NUBPL: variants seen among roughly 807,000 people sequenced by gnomAD.
NUBPL encodes iron-sulfur cluster transfer protein NUBPL.
Under a neutral mutation model 45.7 loss-of-function variants are expected in NUBPL, and 31 were observed. That is an observed-to-expected ratio of 0.68 (90% CI 0.51 to 0.92). NUBPL has a LOEUF of 0.92. Among genes scored for constraint, NUBPL ranks in the 40% least tolerant of loss-of-function variants. The probability of loss-of-function intolerance (pLI) is 0.00; values close to 1 mark genes in which losing one functional copy is unlikely to be tolerated. For synonymous variants in NUBPL, 144 were observed against 140.9 expected (o/e 1.02, Z -0.15); for missense variants, 401 against 398.7 (o/e 1.01, Z -0.05).
At chr14:31,846,321 C>A in intron 8 of NUBPL, 150 bp from the exon 9 acceptor site, 1 of 678,564 alleles carries the variant, frequency 1.5e-6, no homozygotes, top group Non-Finnish European at 2.6e-6. Flanking sequence ...CTCATGAGTT[C>A]CTTCAGAGCA....
intron 7 of NUBPL, among the ~76,000 whole-genome samples, chr14:31,810,276 G>T (rs1053436845): frequency 2.0e-5 from 3 of 151,950 alleles, no homozygotes; most frequent in African/African-American, 7.2e-5. Flanking sequence ...GTCTCTTGGG[G>T]CTTGCTTTAT....
chr14:31,740,109 A>C (rs1483844447), intron 6 of NUBPL, among the ~76,000 whole-genome samples: 1 of 152,254 alleles, frequency 6.6e-6, no homozygotes, highest in East Asian at 1.9e-4. Context: ...TAAAGTTGCC[A>C]TAAACATTTG....
At chr14:31,641,571 C>T (rs756967145) in intron 4 of NUBPL, among the ~76,000 whole-genome samples, 5 of 152,028 alleles carry the variant, frequency 3.3e-5, no homozygotes, top group Non-Finnish European at 7.4e-5. Context: ...TTTGTTTATC[C>T]ATATGCCTAT....
Position 31,604,685 on chromosome 14 carries a change from A to G in NUBPL, c.382+5306A>G, listed in dbSNP as rs547270518. Among the ~76,000 whole-genome samples, 7 of 152,256 alleles carry G rather than the reference A, an allele frequency of 4.6e-5. No homozygotes were observed. The East Asian group carries it at 1.2e-3, about 25-fold the overall frequency. Reference sequence around the variant, plus strand: ...GTTGGCAGATCATACGTTTATCCACATTCTCTTCATACCTTTTTTTGGGAG... The same window carrying G: ...GTTGGCAGATCATACGTTTATCCACGTTCTCTTCATACCTTTTTTTGGGAG... On this transcript the variant is annotated intron_variant, in intron 4 of 10. Coordinates refer to ENST00000281081, the MANE Select transcript of NUBPL (RefSeq NM_025152.3).
At chr14:31,765,568 G>C (rs1487822983) in intron 6 of NUBPL, among the ~76,000 whole-genome samples, 1 of 151,816 alleles carries the variant, frequency 6.6e-6, no homozygotes, top group Admixed American at 6.6e-5. Flanking sequence ...CGAATTTACA[G>C]ATTCAAATCT....
At chr14:31,618,697 A>G (rs1566451615) in intron 4 of NUBPL, among the ~76,000 whole-genome samples, 1 of 152,180 alleles carries the variant, frequency 6.6e-6, no homozygotes, top group Non-Finnish European at 1.5e-5. Context: ...ACTTCAAATT[A>G]TGTGATCAAT....
chr14:31,681,898 A>G (rs1181584500), intron 6 of NUBPL, among the ~76,000 whole-genome samples: 1 of 152,140 alleles, frequency 6.6e-6, no homozygotes, highest in Non-Finnish European at 1.5e-5. Flanking sequence ...ACACTCTGTA[A>G]TATTTCAGTG....
chr14:31,703,099 C>T (rs1202083451), intron 6 of NUBPL: 2 of 152,098 alleles, frequency 1.3e-5, no homozygotes, highest in Non-Finnish European at 2.9e-5. Context: ...TACTTATATT[C>T]TTATATTCTT....
chr14:31,615,686 C>T (rs2034880356), intron 4 of NUBPL, among the ~76,000 whole-genome samples: 1 of 152,160 alleles, frequency 6.6e-6, no homozygotes, highest in South Asian at 2.1e-4. Flanking sequence ...TTTCTTTATC[C>T]AGTCCATCAT....
At chr14:31,570,722 T>C (rs1472567270) in intron 3 of NUBPL, among the ~76,000 whole-genome samples, 1 of 152,228 alleles carries the variant, frequency 6.6e-6, no homozygotes, top group Non-Finnish European at 1.5e-5. Context: ...GTGCTACTTT[T>C]GGGTCATTCA....
chr14:31,752,944 A>G (rs2038565184), intron 6 of NUBPL, among the ~76,000 whole-genome samples: 1 of 152,222 alleles, frequency 6.6e-6, no homozygotes, highest in Admixed American at 6.5e-5. Context: ...AGAAGGGGGA[A>G]GTGCCACTTT....
intron 6 of NUBPL, among the ~76,000 whole-genome samples, chr14:31,748,854 C>T (rs1295672111): frequency 6.6e-6 from 1 of 152,112 alleles, no homozygotes; most frequent in Non-Finnish European, 1.5e-5. Flanking sequence ...CTCAGGTGAT[C>T]TACCCACCTG....
intron 3 of NUBPL, among the ~76,000 whole-genome samples, chr14:31,565,646 C>G (rs1346725109): frequency 1.3e-5 from 2 of 151,990 alleles, no homozygotes; most frequent in Non-Finnish European, 2.9e-5. Flanking sequence ...TTAACCAGTT[C>G]CCATTTGATG....
intron 6 of NUBPL, among the ~76,000 whole-genome samples, chr14:31,679,529 C>T (rs192784580): frequency 3.5e-4 from 53 of 152,186 alleles, no homozygotes; most frequent in African/African-American, 1.2e-3. Context: ...ACTTCCCTTT[C>T]CCTGAATTTA....
intron 4 of NUBPL, among the ~76,000 whole-genome samples, chr14:31,606,811 C>A (rs2034613021): frequency 6.6e-6 from 1 of 152,142 alleles, no homozygotes; most frequent in Non-Finnish European, 1.5e-5. Context: ...TTCTTGCTTA[C>A]CTCTTCACTG....
intron 6 of NUBPL, among the ~76,000 whole-genome samples, chr14:31,680,928 T>A (rs1287445617): frequency 3.3e-5 from 5 of 152,124 alleles, no homozygotes; most frequent in Non-Finnish European, 5.9e-5. Flanking sequence ...CAACTGTACT[T>A]TTACTGCATT....
At chr14:31,575,321 A>G (rs2033690630) in intron 3 of NUBPL, among the ~76,000 whole-genome samples, 1 of 152,242 alleles carries the variant, frequency 6.6e-6, no homozygotes, top group African/African-American at 2.4e-5. Context: ...TTCATTAATA[A>G]ATATGTATAT....
At chr14:31,720,087 A>G (rs915012981) in intron 6 of NUBPL, among the ~76,000 whole-genome samples, 2 of 152,152 alleles carry the variant, frequency 1.3e-5, no homozygotes, top group African/African-American at 4.8e-5. Context: ...AAGTGCCTAG[A>G]TTATATGATT....
At chr14:31,673,597 C>T (rs2036626788) in intron 6 of NUBPL, 23 bp downstream of exon 6, 2 of 1,575,258 alleles carry the variant, frequency 1.3e-6, no homozygotes, top group East Asian at 2.2e-5. Flanking sequence ...CTTTAAATAT[C>T]ATTTTATCAT....
Sources: allele counts gnomAD v4.1 joint callset (sites outside exome capture counted in the v4.1 genomes callset), GRCh38; gene constraint gnomAD v4.1.1; transcripts MANE v1.5; gene names NCBI Gene and HGNC (gene_info 2026-07-23, HGNC 2026-07-21).